SMYD3: variants seen among roughly 807,000 people sequenced by gnomAD.
SMYD3 encodes the protein SET and MYND domain containing 3, also known as histone-lysine N-methyltransferase SMYD3.
SMYD3 carries 36 observed loss-of-function variants against 57.7 expected under a neutral mutation model. That is an observed-to-expected ratio of 0.62 (90% CI 0.48 to 0.82). The LOEUF is 0.82. Among genes scored for constraint, SMYD3 ranks in the 40% least tolerant of loss-of-function variants. The pLI is 0.00. For missense variants in SMYD3, 515 were observed against 538.8 expected, an observed-to-expected ratio of 0.96 and a Z score of 0.44; for synonymous variants, 211 against 195.0, an observed-to-expected ratio of 1.08 and a Z score of -0.68.
chr1:246,253,897 T>C (rs998234644), intron 5 of SMYD3, among the ~76,000 whole-genome samples: 1 of 152,248 alleles, frequency 6.6e-6, no homozygotes, highest in Non-Finnish European at 1.5e-5. Context: ...ATGGTAGTTC[T>C]GCTTTAAGCT....
chr1:246,318,094 T>C (rs557406406), intron 5 of SMYD3, among the ~76,000 whole-genome samples: 1 of 152,316 alleles, frequency 6.6e-6, no homozygotes, highest in South Asian at 2.1e-4. Flanking sequence ...TAAAAATACA[T>C]TATCTGGGCC....
At chr1:246,361,014 A>C (rs879188899) in intron 1 of SMYD3, among the ~76,000 whole-genome samples, 1 of 152,256 alleles carries the variant, frequency 6.6e-6, no homozygotes, top group South Asian at 2.1e-4. Flanking sequence ...TAACAGACAA[A>C]CCACAGAGTG....
At chr1:246,388,381 T>TA (rs1185367372) in intron 1 of SMYD3, among the ~76,000 whole-genome samples, 2 of 4,100 alleles carry the variant, frequency 4.9e-4, no homozygotes, top group Admixed American at 2.9e-3. Context: ...AGTCAGTTTC[T>TA]GGGGACCTCC....
chr1:246,199,975 GA>G (rs941464368), intron 5 of SMYD3, among the ~76,000 whole-genome samples: 1 of 152,014 alleles, frequency 6.6e-6, no homozygotes, highest in Non-Finnish European at 1.5e-5. Flanking sequence ...CGTAGACGCT[GA>G]GGTAGAATGT....
intron 5 of SMYD3, among the ~76,000 whole-genome samples, chr1:246,066,046 G>C (rs1421101348): frequency 1.3e-5 from 2 of 152,078 alleles, no homozygotes; most frequent in Non-Finnish European, 1.5e-5. Flanking sequence ...CAACTAAAAG[G>C]ACAAGAGAAC....
intron 5 of SMYD3, among the ~76,000 whole-genome samples, chr1:246,064,090 G>A (rs922183437): frequency 2.6e-5 from 4 of 152,102 alleles, no homozygotes; most frequent in African/African-American, 9.7e-5. Context: ...TTGCTCCTGA[G>A]TAACTTCCCT....
chr1:246,481,621 T>TACACACACAC (rs1553354806), intron 1 of SMYD3, among the ~76,000 whole-genome samples: 1 of 98,552 alleles, frequency 1.0e-5, no homozygotes, highest in African/African-American at 3.7e-5. Context: ...CATACATATA[T>TACACACACAC]ACATACATAC....
chr1:246,293,288 C>T (rs192200203), intron 5 of SMYD3, among the ~76,000 whole-genome samples: 1 of 152,246 alleles, frequency 6.6e-6, no homozygotes, highest in African/African-American at 2.4e-5. Context: ...ACAAATCATT[C>T]GCTTGCTACC....
chr1:246,229,345 T>C (rs546615889), intron 5 of SMYD3, among the ~76,000 whole-genome samples: 86 of 152,340 alleles, frequency 5.6e-4, no homozygotes, highest in African/African-American at 2.0e-3. Flanking sequence ...TAATTAGTAA[T>C]AACCTATTGA....
At position 246,392,197 on chromosome 1, in the gene SMYD3, G is replaced by A. The variant is rs897309855; in HGVS notation, c.165-37103C>T. Among the ~76,000 whole-genome samples, 6 of 152,072 alleles carry A rather than the reference G, an allele frequency of 3.9e-5. No homozygotes were observed. The East Asian group carries it at 7.7e-4, about 20-fold the overall frequency. On this transcript the variant is annotated intron_variant, in intron 1 of 11. Transcript: ENST00000490107. ...AATGCTTGCTAAATGAAGGATAAAC[G>A]AACAAATGAACAATTGAACACATGT...
chr1:245,814,864 A>G (rs960534889), intron 10 of SMYD3, among the ~76,000 whole-genome samples: 10 of 135,160 alleles, frequency 7.4e-5, no homozygotes, highest in Admixed American at 2.7e-4. Flanking sequence ...ACACGCAAGC[A>G]CACACACACG....
At chr1:245,868,271 A>G (rs187706645) in intron 8 of SMYD3, among the ~76,000 whole-genome samples, 1 of 152,328 alleles carries the variant, frequency 6.6e-6, no homozygotes, top group African/African-American at 2.4e-5. Context: ...ATTCAAACCC[A>G]GGTCTGTCTG....
chr1:246,285,608 A>C (rs1048579465), intron 5 of SMYD3, among the ~76,000 whole-genome samples: 1 of 152,232 alleles, frequency 6.6e-6, no homozygotes, highest in East Asian at 1.9e-4. Context: ...CCAAGAACCC[A>C]AAAGCAAATG....
rs1218705109 is a variant in SMYD3, at chr1:245,858,514, C to T, written c.1058G>A (p.Arg353Gln). ...GACTTGCCTGTATGGCTCCATGGTCCGAGTACCATAGAACAAGGCTTCCTC... is the reference window on the plus strand; with the variant it reads ...GACTTGCCTGTATGGCTCCATGGTCTGAGTACCATAGAACAAGGCTTCCTC... ...LLEEALFYGT[R>Q]TMEPYRIFFP... Residue 353 changes from arginine (R) to glutamine (Q), a missense_variant, in exon 10 of 12, where the codon CGG (arginine) becomes CAG (glutamine). Arg to Gln is a conservative substitution (Grantham distance 43, BLOSUM62 1). Transcript: ENST00000490107. 8.1e-6 allele frequency: 13 copies of T among 1,613,868 alleles called. No homozygotes were observed. Among genetic ancestry groups the T allele is most frequent in the African/African-American group, 2.7e-5 (2 of 74,888 alleles).
intron 5 of SMYD3, among the ~76,000 whole-genome samples, chr1:246,273,782 A>G (rs982715292): frequency 1.7e-4 from 26 of 151,256 alleles, no homozygotes; most frequent in Admixed American, 5.9e-4. Context: ...ACAGGGTTTC[A>G]CCATGTTGGC....
intron 5 of SMYD3, among the ~76,000 whole-genome samples, chr1:245,982,052 G>A (rs1448835330): frequency 6.6e-6 from 1 of 152,232 alleles, no homozygotes; most frequent in Non-Finnish European, 1.5e-5. Context: ...ATAGCCCAGA[G>A]ACATTCTCCC....
intron 1 of SMYD3, among the ~76,000 whole-genome samples, chr1:246,361,780 A>G (rs185431911): frequency 2.5e-4 from 38 of 152,292 alleles, no homozygotes; most frequent in African/African-American, 8.9e-4. Flanking sequence ...TACACTGGAC[A>G]TCGGGGACTC....
chr1:246,101,560 A>G lies in SMYD3; in HGVS notation c.532-171623T>C, dbSNP rs149166973. Among the ~76,000 whole-genome samples the G allele has an allele frequency of 5.4e-4, 82 of 152,342 alleles. 1 individual carries two copies. In the East Asian group the frequency reaches 0.014, roughly 26 times the overall value. On this transcript the variant is annotated intron_variant, in intron 5 of 11. Transcript: ENST00000490107. The stretch of plus-strand genomic sequence containing the variant: ...AAGCTTAGCTCATAACTGTCTTTTA[A>G]TACTTTAAAAAATATGGCTTATGTA...
At chr1:246,433,410 C>A (rs1403919457) in intron 1 of SMYD3, among the ~76,000 whole-genome samples, 1 of 152,182 alleles carries the variant, frequency 6.6e-6, no homozygotes, top group African/African-American at 2.4e-5. Context: ...CCTGTAATCC[C>A]AGCACTTTGG....
Sources: allele counts gnomAD v4.1 joint callset (sites outside exome capture counted in the v4.1 genomes callset), GRCh38; gene constraint gnomAD v4.1.1; transcripts MANE v1.5; gene names NCBI Gene and HGNC (gene_info 2026-07-23, HGNC 2026-07-21).